Variants in NELL1 observed in about 807,000 individuals in gnomAD.
NELL1 encodes the protein protein kinase C-binding protein NELL1.
In NELL1, 76 loss-of-function variants were observed where a neutral mutation model predicts 107.4. That is an observed-to-expected ratio of 0.71 (90% confidence interval 0.59 to 0.86). The LOEUF is 0.86. Ranked by LOEUF, NELL1 falls within the 40% of genes least tolerant of loss-of-function variation. The pLI is 0.00. For synonymous variants in NELL1, 353 were observed against 341.2 expected, an observed-to-expected ratio of 1.03 and a Z score of -0.38; for missense variants, 1,024 against 1,005.5, an observed-to-expected ratio of 1.02 and a Z score of -0.25.
At position 21,370,837 on chromosome 11, in the gene NELL1, T is replaced by A. The variant is rs758418173; in HGVS notation, c.1550-16T>A. The A allele has an allele frequency of 6.2e-7, 1 of 1,602,810 alleles. No homozygotes were observed. Reference sequence around the variant, plus strand: ...TGCATTTTATCTAAGATAAATACTTTGTTCTCTTGCAACAGCTTTCTGTGA... The same window carrying A: ...TGCATTTTATCTAAGATAAATACTTAGTTCTCTTGCAACAGCTTTCTGTGA... On this transcript the variant is annotated splice_polypyrimidine_tract_variant and intron_variant, in intron 14 of 19. Coordinates refer to ENST00000357134, the MANE Select transcript of NELL1 (RefSeq NM_006157.5).
chr11:21,126,760 G>A (rs1284583297), intron 13 of NELL1, among the ~76,000 whole-genome samples: 1 of 152,210 alleles, frequency 6.6e-6, no homozygotes, highest in Admixed American at 6.5e-5. Context: ...AGAAGCCCAG[G>A]CTGTGTAGAC....
At chr11:21,543,097 G>A (rs754827212) in intron 16 of NELL1, among the ~76,000 whole-genome samples, 4 of 151,968 alleles carry the variant, frequency 2.6e-5, no homozygotes, top group Non-Finnish European at 5.9e-5. Flanking sequence ...ACAAGGCAGA[G>A]ACACTAATCC....
intron 15 of NELL1, among the ~76,000 whole-genome samples, chr11:21,488,567 G>C (rs541765184): frequency 1.3e-5 from 2 of 152,050 alleles, no homozygotes; most frequent in Admixed American, 6.6e-5. Context: ...GCCAGTCTTC[G>C]GGTCCCTGTG....
intron 15 of NELL1, among the ~76,000 whole-genome samples, chr11:21,407,070 A>T (rs1298595708): frequency 6.6e-6 from 1 of 152,050 alleles, no homozygotes; most frequent in East Asian, 2.0e-4. Context: ...AGTTTAACTT[A>T]TTTATGTTTG....
At chr11:21,134,336 A>G (rs1249107582) in intron 13 of NELL1, among the ~76,000 whole-genome samples, 1 of 152,118 alleles carries the variant, frequency 6.6e-6, no homozygotes, top group East Asian at 1.9e-4. Context: ...TGTTGGGACT[A>G]TAAGGATAGG....
chr11:20,820,003 A>C (rs1857715072), intron 3 of NELL1, among the ~76,000 whole-genome samples: 1 of 152,156 alleles, frequency 6.6e-6, no homozygotes. Context: ...GGAGAGTGAG[A>C]TAAGGTTCTC....
chr11:21,296,833 T>G (rs1849385783), intron 14 of NELL1, among the ~76,000 whole-genome samples: 1 of 151,570 alleles, frequency 6.6e-6, no homozygotes, highest in South Asian at 2.1e-4. Flanking sequence ...AATTATTTAA[T>G]ATTTTTATAG....
At chr11:21,393,418 G>C (rs1185841114) in intron 15 of NELL1, among the ~76,000 whole-genome samples, 1 of 151,608 alleles carries the variant, frequency 6.6e-6, no homozygotes, top group Non-Finnish European at 1.5e-5. Flanking sequence ...AATGAAAAAA[G>C]TAGTTAAACT....
chr11:20,985,670 A>G (rs1851838766), intron 12 of NELL1, among the ~76,000 whole-genome samples: 1 of 152,216 alleles, frequency 6.6e-6, no homozygotes, highest in Non-Finnish European at 1.5e-5. Flanking sequence ...GAAGATTAGA[A>G]GAAGATTAGA....
chr11:20,909,548 C>A (rs1241679259), intron 5 of NELL1, among the ~76,000 whole-genome samples: 1 of 152,042 alleles, frequency 6.6e-6, no homozygotes, highest in African/African-American at 2.4e-5. Flanking sequence ...CCTGAACATA[C>A]CTCTTTATTA....
intron 12 of NELL1, among the ~76,000 whole-genome samples, chr11:21,057,440 CA>C (rs1295067001): frequency 6.6e-6 from 1 of 151,856 alleles, no homozygotes; most frequent in African/African-American, 2.4e-5. Context: ...TCTGAGCCAG[CA>C]ATTTTACTCT....
intron 18 of NELL1, 136 bp from the exon 19 acceptor site, chr11:21,573,049 G>A (rs1376573279): frequency 3.0e-6 from 2 of 673,660 alleles, no homozygotes; most frequent in South Asian, 1.9e-5. Flanking sequence ...AGGAGGAAGT[G>A]TACTTTATCC....
At chr11:21,257,376 A>T (rs1181987649) in intron 14 of NELL1, among the ~76,000 whole-genome samples, 1 of 152,032 alleles carries the variant, frequency 6.6e-6, no homozygotes, top group East Asian at 1.9e-4. Flanking sequence ...ATAATACTTT[A>T]TCTAGAGGAA....
At chr11:20,670,248 G>C (rs1228412857) in intron 1 of NELL1, among the ~76,000 whole-genome samples, 1 of 152,156 alleles carries the variant, frequency 6.6e-6, no homozygotes, top group Non-Finnish European at 1.5e-5. Context: ...GGGCCCGGGA[G>C]GGCGCGGTGC....
intron 9 of NELL1, among the ~76,000 whole-genome samples, chr11:20,929,790 G>A (rs1202748313): frequency 2.6e-5 from 4 of 152,062 alleles, no homozygotes; most frequent in Non-Finnish European, 5.9e-5. Flanking sequence ...TGGCCAACAT[G>A]GCGAAATCCC....
At chr11:20,849,616 T>C (rs1411039559) in intron 4 of NELL1, among the ~76,000 whole-genome samples, 8 of 152,206 alleles carry the variant, frequency 5.3e-5, no homozygotes, top group Non-Finnish European at 1.2e-4. Context: ...ATATTTTTCA[T>C]ACTTTGGCTT....
chr11:20,794,118 C>T (rs1190100243), intron 3 of NELL1, among the ~76,000 whole-genome samples: 3 of 152,026 alleles, frequency 2.0e-5, no homozygotes, highest in Non-Finnish European at 4.4e-5. Context: ...TCATAGTCTC[C>T]TTGGATAGGT....
chr11:21,214,331 A>G (rs764016222), intron 13 of NELL1, among the ~76,000 whole-genome samples: 6 of 152,196 alleles, frequency 3.9e-5, no homozygotes, highest in Non-Finnish European at 7.4e-5. Flanking sequence ...ATATGTAAAT[A>G]TGAAGAATTC....
intron 15 of NELL1, among the ~76,000 whole-genome samples, chr11:21,517,545 A>T (rs1855598132): frequency 6.6e-6 from 1 of 152,112 alleles, no homozygotes; most frequent in Admixed American, 6.5e-5. Context: ...TAATCTTCGG[A>T]ATGTATGACC....
Sources: allele counts gnomAD v4.1 joint callset (sites outside exome capture counted in the v4.1 genomes callset), GRCh38; gene constraint gnomAD v4.1.1; transcripts MANE v1.5; gene names NCBI Gene and HGNC (gene_info 2026-07-23, HGNC 2026-07-21).